WWP1: variants seen among roughly 807,000 people sequenced by gnomAD.
The protein encoded by WWP1 is NEDD4-like E3 ubiquitin-protein ligase WWP1.
WWP1 carries 49 observed loss-of-function variants against 130.6 expected under a neutral mutation model. The observed-to-expected ratio is 0.38, with a 90% CI of 0.30 to 0.48. The LOEUF is 0.48. Ranked by LOEUF, WWP1 falls within the 20% of genes least tolerant of loss-of-function variation. WWP1 has a pLI of 0.99. For missense variants in WWP1, 809 were observed against 1,100.6 expected, an observed-to-expected ratio of 0.74 and a Z score of 3.75; for synonymous variants, 332 against 367.8, an observed-to-expected ratio of 0.90 and a Z score of 1.11.
chr8:86,457,017 G>T (rs1811484388), intron 21 of WWP1, among the ~76,000 whole-genome samples: 1 of 151,824 alleles, frequency 6.6e-6, no homozygotes, highest in Admixed American at 6.6e-5. Context: ...ATTACAAAAA[G>T]GGATATGATG....
chr8:86,428,065 C>T (rs1809730718), intron 11 of WWP1, among the ~76,000 whole-genome samples: 1 of 151,786 alleles, frequency 6.6e-6, no homozygotes, highest in African/African-American at 2.4e-5. Context: ...GTTTTATATC[C>T]TACGGGGTAG....
chr8:86,413,553 C>A (rs550925116), intron 9 of WWP1, among the ~76,000 whole-genome samples: 1 of 152,298 alleles, frequency 6.6e-6, no homozygotes, highest in African/African-American at 2.4e-5. Context: ...TATGACACGT[C>A]AGTGGATTCT....
intron 3 of WWP1, among the ~76,000 whole-genome samples, chr8:86,379,293 A>T (rs1305871495): frequency 6.6e-6 from 1 of 152,132 alleles, no homozygotes; most frequent in Non-Finnish European, 1.5e-5. Flanking sequence ...CAGACATAAC[A>T]TTGAACACTC....
At chr8:86,431,205 TTC>T (rs1360966635) in intron 12 of WWP1, among the ~76,000 whole-genome samples, 199 bp from the exon 13 acceptor site, 1 of 140,798 alleles carries the variant, frequency 7.1e-6, no homozygotes, top group African/African-American at 2.6e-5. Flanking sequence ...ATATATTATA[TTC>T]TCTATAATAT....
At chr8:86,364,874 A>AAGAG (rs1823879757) in intron 1 of WWP1, among the ~76,000 whole-genome samples, 3 of 151,926 alleles carry the variant, frequency 2.0e-5, no homozygotes, top group African/African-American at 2.4e-5. Flanking sequence ...GAAAGAGAGA[A>AAGAG]AGAAAGAAAG....
At chr8:86,379,152 G>A (rs1824839783) in intron 3 of WWP1, among the ~76,000 whole-genome samples, 1 of 152,136 alleles carries the variant, frequency 6.6e-6, no homozygotes, top group Admixed American at 6.5e-5. Context: ...TTTATTCAAA[G>A]AATCTTGGGA....
intron 20 of WWP1, among the ~76,000 whole-genome samples, chr8:86,449,611 AC>A (rs1264652841): frequency 1.3e-5 from 2 of 152,264 alleles, no homozygotes; most frequent in African/African-American, 2.4e-5. Context: ...ATTTGCCAGC[AC>A]GTGAACTACA....
Position 86,442,764 on chromosome 8 carries a change from C to T in WWP1, c.1984C>T (p.Arg662Cys), listed in dbSNP as rs1296770897. 2.5e-6 allele frequency: 4 copies of T among 1,603,412 alleles called. No homozygotes were observed. The highest frequency in any genetic ancestry group is 3.4e-6 in the Non-Finnish European group (4 of 1,176,354). Reference sequence around the variant, plus strand: ...TCTTTCATACTTCTGTTTCATTGGTCGTTTTATTGCCATGGTGAGTTCCTG... The same window carrying T: ...TCTTTCATACTTCTGTTTCATTGGTTGTTTTATTGCCATGGTGAGTTCCTG... Reference protein sequence around the residue: ...DHLSYFCFIGRFIAMALFHGK... With the variant: ...DHLSYFCFIGCFIAMALFHGK... The change falls in exon 18 of 25, where the codon CGT (arginine) becomes TGT (cysteine). Residue 662 changes from arginine (R) to cysteine (C), a missense_variant. By Grantham distance (180) the Arg-to-Cys change is radical (BLOSUM62 -3). Around this residue, in one of 3 missense-constraint regions of WWP1, gnomAD observed 450 missense variants for 674.2 expected, o/e 0.67. Coordinates refer to ENST00000517970, the MANE Select transcript of WWP1 (RefSeq NM_007013.4).
chr8:86,358,116 CTTTT>C (rs1246983032), intron 1 of WWP1, among the ~76,000 whole-genome samples: 1 of 152,102 alleles, frequency 6.6e-6, no homozygotes, highest in Non-Finnish European at 1.5e-5. Flanking sequence ...CTCTTATATT[CTTTT>C]GTTTCTTTGA....
At chr8:86,447,691 G>A (rs1351119779) in intron 18 of WWP1, among the ~76,000 whole-genome samples, 2 of 152,126 alleles carry the variant, frequency 1.3e-5, no homozygotes, top group African/African-American at 4.8e-5. Flanking sequence ...CAAAATTGGT[G>A]GGAGTCTGGG....
At chr8:86,428,559 C>G (rs761264441) in intron 11 of WWP1, among the ~76,000 whole-genome samples, 4 of 152,196 alleles carry the variant, frequency 2.6e-5, no homozygotes, top group Non-Finnish European at 5.9e-5. Context: ...AAGTAACTTT[C>G]TCCAAAATCC....
chr8:86,419,180 G>A (rs937467223), intron 9 of WWP1, among the ~76,000 whole-genome samples: 5 of 152,198 alleles, frequency 3.3e-5, no homozygotes, highest in African/African-American at 7.2e-5. Flanking sequence ...AGCACTTTGG[G>A]AGGCCTGGGC....
At chr8:86,358,538 G>A (rs1823385796) in intron 1 of WWP1, among the ~76,000 whole-genome samples, 1 of 150,396 alleles carries the variant, frequency 6.6e-6, no homozygotes, top group Non-Finnish European at 1.5e-5. Context: ...CTAGAGTGCA[G>A]TGGTGCCGTC....
chr8:86,449,521 A>G (rs1031704010), intron 20 of WWP1, among the ~76,000 whole-genome samples: 1 of 152,250 alleles, frequency 6.6e-6, no homozygotes, highest in Non-Finnish European at 1.5e-5. Flanking sequence ...ATATTTTTCA[A>G]TCATTTTTTT....
At chr8:86,428,351 A>G (rs1257998305) in intron 11 of WWP1, among the ~76,000 whole-genome samples, 3 of 152,182 alleles carry the variant, frequency 2.0e-5, no homozygotes, top group Non-Finnish European at 4.4e-5. Context: ...ACTTATTGCC[A>G]TAAGCAAACA....
At position 86,446,274 on chromosome 8, in the gene WWP1, G is replaced by A. The variant is rs574789106; in HGVS notation, c.1999-1874G>A. The stretch of plus-strand genomic sequence containing the variant: ...TGGGATTACAGGCGTGAGCCACTGC[G>A]CCCAGCAGCTGCTTATGTATCTTCT... On this transcript the variant is annotated intron_variant, in intron 18 of 24. Transcript: ENST00000517970. 4.6e-5 allele frequency among the ~76,000 whole-genome samples: 7 copies of A among 152,150 alleles called. No homozygotes were observed. In the South Asian group the frequency reaches 8.3e-4, roughly 18 times the overall value.
intron 21 of WWP1, among the ~76,000 whole-genome samples, chr8:86,453,271 G>A (rs192475522): frequency 3.5e-4 from 53 of 152,156 alleles, no homozygotes; most frequent in Non-Finnish European, 5.6e-4. Flanking sequence ...TACCTCCTAT[G>A]AGTGAAATCA....
chr8:86,417,388 A>G (rs1255694463), intron 9 of WWP1: 2 of 152,216 alleles, frequency 1.3e-5, no homozygotes, highest in East Asian at 1.9e-4. Flanking sequence ...AGTGCATTAT[A>G]GATCTAATAA....
rs757352807 is a variant in WWP1 at position 86,388,159 on chromosome 8, C to CT, written c.334+6544dup. On this transcript the variant is annotated intron_variant, in intron 5 of 24. Transcript: ENST00000517970. ...TTGCAAAATCAGAATTTATCTCTGC[C>CT]TTTTTTTTTTTTTTAAACAACTTTC... Among the ~76,000 whole-genome samples, 405 of 139,530 alleles carry CT rather than the reference C, an allele frequency of 2.9e-3. 2 individuals carry two copies. Among genetic ancestry groups the CT allele is most frequent in the African/African-American group, 7.4e-3 (284 of 38,264 alleles). The allele number at this position is 139,530 out of a possible 152,430, so 91.5% of individuals were successfully genotyped here.
Sources: gnomAD v4.1 joint callset for allele counts (sites outside exome capture counted in the v4.1 genomes callset) on GRCh38, gnomAD v4.1.1 for gene constraint, gnomAD v4.1.1 regional missense constraint, MANE v1.5 for transcripts, NCBI Gene and HGNC (gene_info 2026-07-23, HGNC 2026-07-21) for gene names.